AFF3: variants seen among roughly 807,000 people sequenced by gnomAD.
AFF3 encodes ALF transcription elongation factor 3.
A neutral mutation model predicts 129.7 loss-of-function variants in AFF3; 32 were observed. The ratio of observed to expected loss-of-function variants is 0.25; its 90% CI spans 0.19 to 0.33. The LOEUF is 0.33. AFF3 is among the 10% of genes least tolerant of loss of function. The pLI, the probability that AFF3 is intolerant of heterozygous loss-of-function variation, is 1.00. For missense variants in AFF3, 1,373 were observed against 1,592.0 expected, an observed-to-expected ratio of 0.86 and a Z score of 2.34; for synonymous variants, 644 against 635.4, an observed-to-expected ratio of 1.01 and a Z score of -0.20.
intron 13 of AFF3, among the ~76,000 whole-genome samples, chr2:99,648,958 A>C (rs1314624858): frequency 8.6e-6 from 1 of 116,068 alleles, no homozygotes; most frequent in African/African-American, 3.0e-5. Context: ...TAAGTGAAAA[A>C]ACAAAAACCA....
intron 11 of AFF3, among the ~76,000 whole-genome samples, chr2:99,676,763 T>G (rs1640665046): frequency 6.6e-6 from 1 of 152,070 alleles, no homozygotes; most frequent in Non-Finnish European, 1.5e-5. Context: ...TGAGAGATGG[T>G]GGAGGGGAAT....
At chr2:100,123,842 G>T (rs1692079063) in intron 2 of AFF3, among the ~76,000 whole-genome samples, 1 of 152,020 alleles carries the variant, frequency 6.6e-6, no homozygotes, top group South Asian at 2.1e-4. Context: ...GCAAAGCCAA[G>T]GAACCACCAG....
intron 4 of AFF3, among the ~76,000 whole-genome samples, chr2:100,075,599 C>T (rs551471338): frequency 6.6e-6 from 1 of 152,102 alleles, no homozygotes; most frequent in African/African-American, 2.4e-5. Flanking sequence ...TTTCTAGAAA[C>T]GGCAACAACA....
At chr2:100,015,744 A>T (rs188556773) in intron 4 of AFF3, among the ~76,000 whole-genome samples, 2 of 152,390 alleles carry the variant, frequency 1.3e-5, no homozygotes, top group East Asian at 1.9e-4. Flanking sequence ...GAGGCAACTC[A>T]GACAGAGAAG....
rs1319259640 is a variant in AFF3 at position 99,942,553 on chromosome 2, G to T, written c.873+64079C>A. Among the ~76,000 whole-genome samples the T allele has an allele frequency of 7.3e-5, 10 of 137,910 alleles. No individual in the cohort carries two copies. The East Asian group carries it at 2.4e-3, about 33-fold the overall frequency. The allele number at this position is 137,910 out of a possible 152,430, so 90.5% of individuals were successfully genotyped here. ...AATTAAGTGGGGGGAGGGGCGGGGG[G>T]GGGGTCGCGGCACAGGGAATGGCCT... is the stretch of plus-strand genomic sequence containing the variant. On this transcript the variant is annotated intron_variant, in intron 7 of 24. Coordinates refer to ENST00000672756, the MANE Select transcript of AFF3 (RefSeq NM_001386135.1).
intron 8 of AFF3, among the ~76,000 whole-genome samples, chr2:99,783,113 A>G (rs1313487990): frequency 6.6e-6 from 1 of 152,236 alleles, no homozygotes; most frequent in Non-Finnish European, 1.5e-5. Flanking sequence ...GACAGAAGGA[A>G]AACAGACAAT....
In AFF3 at chr2:99,691,573, G is replaced by C. The variant is rs927861969; in HGVS notation, c.1092-18984C>G. Among the ~76,000 whole-genome samples the C allele has an allele frequency of 3.8e-4, 57 of 151,608 alleles. 1 individual carries two copies. In the Middle Eastern group the frequency reaches 0.01, roughly 27 times the overall value. On this transcript the variant is annotated intron_variant, in intron 11 of 24. Coordinates refer to ENST00000672756, the MANE Select transcript of AFF3 (RefSeq NM_001386135.1). The stretch of plus-strand genomic sequence containing the variant: ...AAAACAACCTAGAGAATTTTTTAGA[G>C]GTGAAGAGGCTTTAGTGATTATCAA...
intron 7 of AFF3, among the ~76,000 whole-genome samples, chr2:99,847,303 G>C (rs1466063995): frequency 6.6e-6 from 1 of 151,896 alleles, no homozygotes; most frequent in Non-Finnish European, 1.5e-5. Context: ...AGCCTCCAGA[G>C]TAGCTGGGAT....
At chr2:99,990,418 G>T (rs959504147) in intron 7 of AFF3, among the ~76,000 whole-genome samples, 1 of 151,974 alleles carries the variant, frequency 6.6e-6, no homozygotes, top group African/African-American at 2.4e-5. Context: ...AGTTAAGATG[G>T]TAAATTTTAT....
chr2:99,714,088 G>A (rs959201901), intron 11 of AFF3, among the ~76,000 whole-genome samples: 6 of 152,112 alleles, frequency 3.9e-5, no homozygotes, highest in Admixed American at 1.3e-4. Flanking sequence ...AATGGGGTTC[G>A]CAGTCTTTTT....
At chr2:99,567,041 C>T (rs996566470) in intron 19 of AFF3, among the ~76,000 whole-genome samples, 4 of 150,604 alleles carry the variant, frequency 2.7e-5, no homozygotes, top group African/African-American at 4.9e-5. Flanking sequence ...GATCTTGGCT[C>T]ATTGCAATCT....
chr2:100,057,198 G>T (rs1000387930), intron 4 of AFF3, among the ~76,000 whole-genome samples: 1 of 151,730 alleles, frequency 6.6e-6, no homozygotes, highest in Non-Finnish European at 1.5e-5. Flanking sequence ...GCGGGCGCCT[G>T]TAATCCCAGC....
chr2:99,622,890 G>A (rs1682168270), intron 13 of AFF3, among the ~76,000 whole-genome samples: 2 of 152,216 alleles, frequency 1.3e-5, no homozygotes, highest in African/African-American at 2.4e-5. Flanking sequence ...AGTCCTTGCC[G>A]ACAGGGAGCT....
At chr2:100,062,734 T>A (rs1445244384) in intron 4 of AFF3, among the ~76,000 whole-genome samples, 2 of 152,132 alleles carry the variant, frequency 1.3e-5, no homozygotes, top group Non-Finnish European at 2.9e-5. Flanking sequence ...GCCCCAAGAC[T>A]TTTTCTACAA....
At chr2:99,976,982 C>A (rs960756516) in intron 7 of AFF3, among the ~76,000 whole-genome samples, 1 of 152,016 alleles carries the variant, frequency 6.6e-6, no homozygotes, top group Non-Finnish European at 1.5e-5. Flanking sequence ...AGGATGATTG[C>A]CAAAGAAAAT....
intron 7 of AFF3, among the ~76,000 whole-genome samples, chr2:99,847,199 CAG>C (rs1689792127): frequency 6.6e-6 from 1 of 151,968 alleles, no homozygotes; most frequent in African/African-American, 2.4e-5. Context: ...CTTTTTGAGA[CAG>C]AGTTTCGCTC....
intron 4 of AFF3, among the ~76,000 whole-genome samples, chr2:100,014,054 G>T (rs1051828302): frequency 2.0e-5 from 3 of 151,848 alleles, no homozygotes; most frequent in Non-Finnish European, 4.4e-5. Flanking sequence ...GCCAGCCAGG[G>T]GGGGATGACC....
At chr2:99,983,431 ATTAT>A (rs952069902) in intron 7 of AFF3, among the ~76,000 whole-genome samples, 1 of 152,156 alleles carries the variant, frequency 6.6e-6, no homozygotes, top group African/African-American at 2.4e-5. Flanking sequence ...CTACTTCTGA[ATTAT>A]TTGTCAATGT....
chr2:99,995,986 G>A (rs1680802428), intron 7 of AFF3, among the ~76,000 whole-genome samples: 1 of 152,284 alleles, frequency 6.6e-6, no homozygotes, highest in Admixed American at 6.5e-5. Flanking sequence ...TAAATTGGAT[G>A]TCTAAGAATT....
Sources: allele counts gnomAD v4.1 joint callset (sites outside exome capture counted in the v4.1 genomes callset), GRCh38; gene constraint gnomAD v4.1.1; transcripts MANE v1.5; gene names NCBI Gene and HGNC (gene_info 2026-07-23, HGNC 2026-07-21).